Variants in ZDBF2 observed in about 807,000 individuals in gnomAD.
ZDBF2 encodes DBF4-type zinc finger-containing protein 2.
In ZDBF2, 6 loss-of-function variants were observed where a neutral mutation model predicts 9.4. That is an observed-to-expected ratio of 0.64 (90% confidence interval 0.35 to 1.27). The LOEUF is 1.27. ZDBF2 is among the 50% of genes most tolerant of loss of function. The pLI is 0.03. For synonymous variants in ZDBF2, 905 were observed against 946.3 expected, an observed-to-expected ratio of 0.96 and a Z score of 0.80; for missense variants, 2,697 against 2,766.8, an observed-to-expected ratio of 0.97 and a Z score of 0.57.
chr2:206,286,348 C>T (rs1366972255), intron 3 of ZDBF2, among the ~76,000 whole-genome samples: 1 of 151,976 alleles, frequency 6.6e-6, no homozygotes, highest in Non-Finnish European at 1.5e-5. Flanking sequence ...TATCTAGGTG[C>T]TCTGGTATTG....
rs201432355 is a variant in ZDBF2, at chr2:206,307,317, G to A, written c.2789G>A (p.Arg930His). ...ATCATTTTTCATTCAGTGACTGGACGTTCTGAAGATCCCATTAAAGAAATA... is the reference window on the plus strand; with the variant it reads ...ATCATTTTTCATTCAGTGACTGGACATTCTGAAGATCCCATTAAAGAAATA... ...YNIIFHSVTG[R>H]SEDPIKEISL... is the part of the protein sequence containing the mutation. Residue 930 changes from arginine to histidine, a missense_variant, in exon 5 of 5, where the codon CGT becomes CAT. Coordinates refer to ENST00000374423, the MANE Select transcript of ZDBF2 (RefSeq NM_020923.3). 32 of 1,611,964 alleles carry A rather than the reference G, an allele frequency of 2.0e-5. No homozygotes were observed. The highest frequency in any genetic ancestry group is 8.8e-5 in the South Asian group (8 of 90,452).
intron 3 of ZDBF2, among the ~76,000 whole-genome samples, chr2:206,287,894 A>T (rs1333892462): frequency 6.6e-6 from 1 of 151,938 alleles, no homozygotes; most frequent in Non-Finnish European, 1.5e-5. Flanking sequence ...CTTTAGCTGT[A>T]GGATTTCTGT....
chr2:206,308,456 T>C lies in ZDBF2; in HGVS notation c.3928T>C (p.Leu1310=), dbSNP rs1344653076. The change falls in exon 5 of 5, where the codon TTG becomes CTG. Residue 1310 remains leucine (L), a synonymous_variant. Transcript: ENST00000374423. ...IPGANKEINL[L]REEHVCLDDK... is the part of the protein sequence containing the mutation. ...AGGGGCGAATAAAGAAATAAATCTTTTGAGGGAGGAACATGTTTGTCTGGA... is the reference window on the plus strand; with the variant it reads ...AGGGGCGAATAAAGAAATAAATCTTCTGAGGGAGGAACATGTTTGTCTGGA... The C allele has an allele frequency of 7.4e-6, 12 of 1,613,470 alleles. No homozygotes were observed. The highest frequency in any genetic ancestry group is 5.3e-5 in the African/African-American group (4 of 74,930).
chr2:206,298,633 C>G (rs978497682), intron 4 of ZDBF2, among the ~76,000 whole-genome samples: 2 of 152,094 alleles, frequency 1.3e-5, no homozygotes, highest in African/African-American at 4.8e-5. Context: ...AGCAATTCTC[C>G]CTGCCTTAGC....
chr2:206,304,567 A>G (rs879518310), intron 4 of ZDBF2, 150 bp from the exon 5 acceptor site: 16 of 903,818 alleles, frequency 1.8e-5, no homozygotes, highest in African/African-American at 3.4e-5. Flanking sequence ...TCTGTGGTCC[A>G]TGCAGTGTTC....
chr2:206,294,513 G>A (rs1692066233), intron 3 of ZDBF2, among the ~76,000 whole-genome samples: 1 of 151,942 alleles, frequency 6.6e-6, no homozygotes, highest in Non-Finnish European at 1.5e-5. Context: ...TTTTAGATTC[G>A]GGGGGACACA....
intron 3 of ZDBF2, among the ~76,000 whole-genome samples, chr2:206,284,990 A>G (rs1691526361): frequency 1.3e-5 from 2 of 152,112 alleles, no homozygotes; most frequent in African/African-American, 2.4e-5. Context: ...CAGCCTCCCA[A>G]AGTGTTGGGA....
chr2:206,311,375 T>C lies in ZDBF2; in HGVS notation c.6847T>C (p.Ser2283Pro). Residue 2283 changes from serine (S) to proline (P), a missense_variant, in exon 5 of 5, where the codon TCA becomes CCA. By Grantham distance (74) the Ser-to-Pro change is moderately conservative. Around this residue, in one of 3 missense-constraint regions of ZDBF2, gnomAD observed 1,783 missense variants for 1,776.5 expected, o/e 1.00. Transcript: ENST00000374423. ...TCCACCAGCTGGTGCCGAAGAGCTGTCAAGCGCTATGGCAAATCCTCCTCC... is the reference window on the plus strand; with the variant it reads ...TCCACCAGCTGGTGCCGAAGAGCTGCCAAGCGCTATGGCAAATCCTCCTCC... ...SVPPAGAEELSSAMANPPPKR... is the reference protein window; with the variant it reads ...SVPPAGAEELPSAMANPPPKR... The C allele has an allele frequency of 1.9e-6, 3 of 1,606,708 alleles. No individual in the cohort carries two copies. The highest frequency in any genetic ancestry group is 2.6e-6 in the Non-Finnish European group (3 of 1,176,442).
intron 4 of ZDBF2, 38 bp from the exon 5 acceptor site, chr2:206,304,679 T>G: frequency 6.4e-7 from 1 of 1,551,200 alleles, no homozygotes; most frequent in Non-Finnish European, 8.7e-7. Context: ...TAAACAGACA[T>G]TAGAATATGT....
chr2:206,284,363 CAT>C (rs1415721753), intron 3 of ZDBF2, among the ~76,000 whole-genome samples: 2 of 152,020 alleles, frequency 1.3e-5, no homozygotes, highest in African/African-American at 4.8e-5. Flanking sequence ...TATTTTGATA[CAT>C]GTGTATAATG....
chr2:206,289,233 A>G (rs977665535), intron 3 of ZDBF2, among the ~76,000 whole-genome samples: 4 of 152,072 alleles, frequency 2.6e-5, no homozygotes, highest in Admixed American at 6.5e-5. Flanking sequence ...GTTGGGGGAC[A>G]GTGGCGTGAG....
chr2:206,283,042 C>T (rs545497626), intron 3 of ZDBF2, among the ~76,000 whole-genome samples: 5 of 152,212 alleles, frequency 3.3e-5, no homozygotes, highest in East Asian at 1.9e-4. Flanking sequence ...ACATGCATCA[C>T]GACCTCGTTC....
At chr2:206,276,009 TA>T (rs1690980474) in intron 1 of ZDBF2, among the ~76,000 whole-genome samples, 1 of 152,198 alleles carries the variant, frequency 6.6e-6, no homozygotes, top group South Asian at 2.1e-4. Context: ...CTGGTTTCTA[TA>T]AAATATGGTT....
chr2:206,308,831 C>G lies in ZDBF2; in HGVS notation c.4303C>G (p.Gln1435Glu), dbSNP rs1335802138. 1.2e-6 allele frequency: 2 copies of G among 1,613,672 alleles called. No individual in the cohort carries two copies. Among genetic ancestry groups the G allele is most frequent in the Non-Finnish European group, 1.7e-6 (2 of 1,179,804 alleles). ...SSVPVKEINL[Q>E]KKDHNDLENK... ...TGTACCTGTCAAAGAAATAAACTTGCAAAAGAAGGATCATAATGATCTAGA... is the reference window on the plus strand; with the variant it reads ...TGTACCTGTCAAAGAAATAAACTTGGAAAAGAAGGATCATAATGATCTAGA... Residue 1435 changes from glutamine (Q) to glutamate (E), a missense_variant, in exon 5 of 5, where the codon CAA (glutamine) becomes GAA (glutamate). Gln to Glu is a conservative substitution (Grantham distance 29). Coordinates refer to ENST00000374423, the MANE Select transcript of ZDBF2 (RefSeq NM_020923.3).
rs1387984814 is a variant in ZDBF2, at chr2:206,308,614, T to C, written c.4086T>C (p.Tyr1362=). The C allele has an allele frequency of 9.9e-6, 16 of 1,613,200 alleles. No individual in the cohort carries two copies. Among genetic ancestry groups the C allele is most frequent in the East Asian group, 6.7e-5 (3 of 44,868 alleles). The change falls in exon 5 of 5, where the codon TAT becomes TAC. Residue 1362 remains tyrosine, a synonymous_variant. Transcript: ENST00000374423. Reference sequence around the variant, plus strand: ...TGGAAGATAAGAGCAGTAATTCTTATAGTCCTGAAGAAAGTTCTGATTCCA... The same window carrying C: ...TGGAAGATAAGAGCAGTAATTCTTACAGTCCTGAAGAAAGTTCTGATTCCA... ...ASLEDKSSNS[Y]SPEESSDSND...
intron 3 of ZDBF2, chr2:206,291,962 G>A (rs1691921111): frequency 5.0e-6 from 2 of 397,158 alleles, no homozygotes; most frequent in East Asian, 7.2e-5. Context: ...TAAGGAAGGT[G>A]AAATAAAACT....
intron 3 of ZDBF2, among the ~76,000 whole-genome samples, chr2:206,282,959 C>G (rs1290427433): frequency 6.6e-6 from 1 of 152,216 alleles, no homozygotes; most frequent in East Asian, 1.9e-4. Flanking sequence ...TAAATGGAAT[C>G]AAACGTTGTG....
Position 206,312,761 on chromosome 2 carries a change from A to G in ZDBF2, c.*1168A>G, listed in dbSNP as rs1693256464. 6.6e-6 allele frequency: 1 copy of G among 152,196 alleles called. No homozygotes were observed. The highest frequency in any genetic ancestry group is 1.5e-5 in the Non-Finnish European group (1 of 68,030). The allele number at this position is 152,196 out of a possible 1,614,324, so 9.4% of individuals were successfully genotyped here. A position where few individuals can be genotyped will look rare whatever the true frequency, so the allele number is the denominator to read the frequency against. On this transcript the variant is annotated 3_prime_UTR_variant, in exon 5 of 5. Coordinates refer to ENST00000374423, the MANE Select transcript of ZDBF2 (RefSeq NM_020923.3). The stretch of plus-strand genomic sequence containing the variant: ...TTGAACTGAAATTATTGGCTTGGTA[A>G]TATTTGGGCAGGCCATTAATTCTCA...
At chr2:206,288,372 C>G (rs1054190713) in intron 3 of ZDBF2, among the ~76,000 whole-genome samples, 1 of 152,220 alleles carries the variant, frequency 6.6e-6, no homozygotes, top group Non-Finnish European at 1.5e-5. Flanking sequence ...GTGGCCTACA[C>G]TGTAGAAGTT....
Sources: gnomAD v4.1 joint callset for allele counts (sites outside exome capture counted in the v4.1 genomes callset) on GRCh38, gnomAD v4.1.1 for gene constraint, gnomAD v4.1.1 regional missense constraint, MANE v1.5 for transcripts, NCBI Gene and HGNC (gene_info 2026-07-23, HGNC 2026-07-21) for gene names.